Variants in MIA2 observed in about 807,000 individuals in gnomAD.
MIA2 encodes the protein MIA SH3 domain ER export factor 2, also known as melanoma inhibitory activity protein 2.
A neutral mutation model predicts 167.8 loss-of-function variants in MIA2; 127 were observed. The observed-to-expected ratio is 0.76, with a 90% CI of 0.66 to 0.88. The LOEUF is 0.88. Among genes scored for constraint, MIA2 ranks in the 40% least tolerant of loss-of-function variants. The pLI is 0.00. For synonymous variants in MIA2, 552 were observed against 541.9 expected (o/e 1.02, Z -0.26); for missense variants, 1,690 against 1,624.7 (o/e 1.04, Z -0.69).
chr14:39,362,741 G>T (rs1167274329), intron 23 of MIA2, among the ~76,000 whole-genome samples: 1 of 151,778 alleles, frequency 6.6e-6, no homozygotes, highest in East Asian at 1.9e-4. Context: ...GTTTGTTCTT[G>T]CTTTTCTGTT....
chr14:39,341,633 A>C, intron 25 of MIA2, among the ~76,000 whole-genome samples: 1 of 152,174 alleles, frequency 6.6e-6, no homozygotes, highest in South Asian at 2.1e-4. Flanking sequence ...CAGCTGAAGC[A>C]GGTGGTAGAG....
At chr14:39,239,554 C>T (rs1383267781) in intron 2 of MIA2, among the ~76,000 whole-genome samples, 1 of 152,010 alleles carries the variant, frequency 6.6e-6, no homozygotes, top group Non-Finnish European at 1.5e-5. Context: ...GACTCTGTCT[C>T]TATTAAAAAA....
chr14:39,267,319 C>T (rs1453027737), intron 6 of MIA2: 2 of 1,503,732 alleles, frequency 1.3e-6, no homozygotes, highest in Non-Finnish European at 8.8e-7. Flanking sequence ...CAGCTCCCCC[C>T]GCAGCCGGCT....
chr14:39,327,132 A>G (rs991366485), intron 25 of MIA2, 110 bp downstream of exon 25: 26 of 807,206 alleles, frequency 3.2e-5, no homozygotes, highest in Non-Finnish European at 3.9e-5. Context: ...AAGAAAAATC[A>G]TCGTACATTT....
At chr14:39,334,377 AG>A (rs1381382816) in intron 25 of MIA2, among the ~76,000 whole-genome samples, 7 of 149,630 alleles carry the variant, frequency 4.7e-5, no homozygotes, top group African/African-American at 1.7e-4. Flanking sequence ...CGGGAGGCTG[AG>A]GCAGGAGAAT....
In MIA2 at chr14:39,236,925, T is replaced by A; in HGVS notation, c.119T>A (p.Leu40Ter). 6.2e-7 allele frequency: 1 copy of A among 1,604,660 alleles called. No homozygotes were observed. Among genetic ancestry groups the A allele is most frequent in the Non-Finnish European group, 8.5e-7 (1 of 1,177,664 alleles). The change falls in exon 2 of 29, where the codon TTA becomes TAA. Residue 40 changes from leucine (L) to a stop codon, truncating the protein, a stop_gained. Transcript: ENST00000640607. LOFTEE classifies it high-confidence loss of function. ...TTTCTTTACATGTTTTACATAGCTTTAATAAACAGAGTCTCAGCCATGAGA... is the reference window on the plus strand; with the variant it reads ...TTTCTTTACATGTTTTACATAGCTTAAATAAACAGAGTCTCAGCCATGAGA... Reference protein sequence around the residue: ...KKCGDLECEALINRVSAMRDY... With the variant: ...KKCGDLECEA
downstream of MIA2, among the ~76,000 whole-genome samples, chr14:39,355,184 C>T (rs8022186): frequency 0.26 from 38,148 of 149,222 alleles, 5,054 homozygotes; most frequent in East Asian, 0.49. Context: ...TCTTCCTACC[C>T]ATGAGCATGG....
downstream of MIA2, chr14:39,351,000 T>G (rs1237528048): frequency 6.6e-6 from 1 of 152,178 alleles, no homozygotes; most frequent in Non-Finnish European, 1.5e-5. Context: ...GTATTTACTA[T>G]TTTCTGTGGA....
chr14:39,288,297 A>G (rs1315151447), intron 9 of MIA2, among the ~76,000 whole-genome samples: 1 of 151,276 alleles, frequency 6.6e-6, no homozygotes, highest in Non-Finnish European at 1.5e-5. Flanking sequence ...CCTATCTCTC[A>G]AAAGAAAAAA....
At chr14:39,375,853 A>T (rs1487798459) in intron 23 of MIA2, among the ~76,000 whole-genome samples, 1 of 152,272 alleles carries the variant, frequency 6.6e-6, no homozygotes, top group Admixed American at 6.5e-5. Flanking sequence ...TCTTGTTTAG[A>T]GAAAAACTAT....
intron 24 of MIA2, among the ~76,000 whole-genome samples, chr14:39,325,064 A>C (rs1002732166): frequency 6.6e-6 from 1 of 152,180 alleles, no homozygotes; most frequent in African/African-American, 2.4e-5. Context: ...ATCTACAAAA[A>C]ATACAACAAT....
At chr14:39,341,420 G>A (rs181947514) in intron 25 of MIA2, among the ~76,000 whole-genome samples, 3 of 152,320 alleles carry the variant, frequency 2.0e-5, no homozygotes, top group Non-Finnish European at 4.4e-5. Flanking sequence ...GTTTGGAGAA[G>A]GTCTGGTTAT....
At chr14:39,349,248 G>A (rs7156628) in intron 28 of MIA2, among the ~76,000 whole-genome samples, 1,692 of 152,224 alleles carry the variant, frequency 0.011, 28 homozygotes, top group African/African-American at 0.039. Flanking sequence ...CAGGTCTTAC[G>A]ATAAAACTAA....
At chr14:39,346,887 T>G (rs1463021992) in intron 26 of MIA2, 1 of 333,932 alleles carries the variant, frequency 3.0e-6, no homozygotes, top group Non-Finnish European at 6.0e-6. Context: ...ATTACAAGCA[T>G]GAGACACCTT....
chr14:39,270,342 T>C lies in MIA2; in HGVS notation c.1888-6592T>C, dbSNP rs576173255. On this transcript the variant is annotated intron_variant, in intron 6 of 28. Coordinates refer to ENST00000640607, the MANE Select transcript of MIA2 (RefSeq NM_001329214.4). ...TCAGCCTCCTGTGTAGCTGGGACTA[T>C]AGGCACTAACCACCACACCTGGCTG... Among the ~76,000 whole-genome samples, 9 of 151,288 alleles carry C rather than the reference T, an allele frequency of 5.9e-5. No individual in the cohort carries two copies. The East Asian group carries it at 1.6e-3, about 26-fold the overall frequency.
intron 23 of MIA2, among the ~76,000 whole-genome samples, chr14:39,372,737 A>G (rs2074972730): frequency 6.6e-6 from 1 of 152,238 alleles, no homozygotes. Flanking sequence ...CTAGTGTTTT[A>G]ATGTATAAAT....
chr14:39,351,756 C>T (rs2074390981), downstream of MIA2, among the ~76,000 whole-genome samples: 1 of 152,170 alleles, frequency 6.6e-6, no homozygotes, highest in Non-Finnish European at 1.5e-5. Context: ...CAGGCGTCCA[C>T]CACCACATCT....
At chr14:39,290,162 A>C (rs2060532953) in intron 9 of MIA2, among the ~76,000 whole-genome samples, 1 of 152,086 alleles carries the variant, frequency 6.6e-6, no homozygotes, top group Non-Finnish European at 1.5e-5. Context: ...GTTTTTTCTC[A>C]GCTTCTGATT....
intron 25 of MIA2, among the ~76,000 whole-genome samples, chr14:39,345,525 C>T (rs12891025): frequency 0.28 from 42,104 of 151,796 alleles, 6,987 homozygotes; most frequent in Non-Finnish European, 0.38. Flanking sequence ...CGTTTTTTCT[C>T]TTTACTTTTT....
Sources: allele counts gnomAD v4.1 joint callset (sites outside exome capture counted in the v4.1 genomes callset), GRCh38; gene constraint gnomAD v4.1.1; transcripts MANE v1.5; gene names NCBI Gene and HGNC (gene_info 2026-07-23, HGNC 2026-07-21).